The following LDLRAD3 variants were observed in gnomAD, a reference collection of about 807,000 sequenced individuals.
The protein encoded by LDLRAD3 is low density lipoprotein receptor class A domain containing 3.
Under a neutral mutation model 29.4 loss-of-function variants are expected in LDLRAD3, and 20 were observed. The ratio of observed to expected loss-of-function variants is 0.68; its 90% CI spans 0.48 to 0.99. The LOEUF is 0.99. Among genes scored for constraint, LDLRAD3 ranks in the 50% least tolerant of loss-of-function variants. The probability of loss-of-function intolerance (pLI) is 0.00; values close to 1 mark genes in which losing one functional copy is unlikely to be tolerated. For synonymous variants in LDLRAD3, 157 were observed against 192.7 expected (o/e 0.81, Z 1.53); for missense variants, 420 against 454.3 (o/e 0.92, Z 0.69).
At chr11:36,120,364 G>A (rs7124975) in intron 4 of LDLRAD3, among the ~76,000 whole-genome samples, 65,881 of 151,910 alleles carry the variant, frequency 0.43, 15,117 homozygotes, top group Admixed American at 0.51. Context: ...AATATTTTCT[G>A]CTCCACAGAT....
At chr11:36,136,497 C>T (rs1247706150) in intron 4 of LDLRAD3, among the ~76,000 whole-genome samples, 1 of 152,068 alleles carries the variant, frequency 6.6e-6, no homozygotes, top group Non-Finnish European at 1.5e-5. Flanking sequence ...AGTGAGTTCT[C>T]TTGAGATATG....
chr11:35,979,302 C>T (rs1352196112), intron 1 of LDLRAD3, among the ~76,000 whole-genome samples: 1 of 152,124 alleles, frequency 6.6e-6, no homozygotes, highest in Non-Finnish European at 1.5e-5. Flanking sequence ...GAAGAGCTTT[C>T]TGAGAGTTGT....
intron 1 of LDLRAD3, among the ~76,000 whole-genome samples, chr11:36,033,803 C>A (rs748197126): frequency 3.3e-5 from 5 of 152,158 alleles, no homozygotes; most frequent in Non-Finnish European, 7.3e-5. Flanking sequence ...ATGTTCTTCT[C>A]AGGGTTGTTG....
rs9666305 is a variant in LDLRAD3 at position 35,987,969 on chromosome 11, A to G, written c.46+43825A>G. ...TTTAATAATAGTCATTCTGACGGGTATGAGATAGTATCTCATTATGGTTTT... is the reference window on the plus strand; with the variant it reads ...TTTAATAATAGTCATTCTGACGGGTGTGAGATAGTATCTCATTATGGTTTT... On this transcript the variant is annotated intron_variant, in intron 1 of 5. Transcript: ENST00000315571. 7.8e-3 allele frequency among the ~76,000 whole-genome samples: 1,186 copies of G among 152,316 alleles called. 17 individuals carry two copies. Among genetic ancestry groups the G allele is most frequent in the South Asian group, 0.048 (233 of 4,822 alleles).
chr11:36,145,691 A>G (rs1330991120), intron 4 of LDLRAD3, among the ~76,000 whole-genome samples: 1 of 151,184 alleles, frequency 6.6e-6, no homozygotes, highest in African/African-American at 2.5e-5. Flanking sequence ...GGATCCTGTT[A>G]ATCTGTGACC....
chr11:36,154,213 C>G (rs940489808), intron 4 of LDLRAD3, among the ~76,000 whole-genome samples: 2 of 152,108 alleles, frequency 1.3e-5, no homozygotes, highest in Non-Finnish European at 2.9e-5. Flanking sequence ...AATGCCACAC[C>G]GACTGAAAGT....
chr11:36,131,893 G>C (rs1013586641), intron 4 of LDLRAD3, among the ~76,000 whole-genome samples: 3 of 152,196 alleles, frequency 2.0e-5, no homozygotes, highest in Non-Finnish European at 2.9e-5. Context: ...GTGCTGGGTG[G>C]TCTTTGTTTC....
At chr11:36,106,901 TC>T (rs139611044) in intron 4 of LDLRAD3, among the ~76,000 whole-genome samples, 2,846 of 152,308 alleles carry the variant, frequency 0.019, 50 homozygotes, top group Non-Finnish European at 0.024. Context: ...GTGTTGGCAG[TC>T]AGCATGAGAC....
intron 4 of LDLRAD3, among the ~76,000 whole-genome samples, chr11:36,164,480 C>T (rs931386659): frequency 3.3e-5 from 5 of 152,176 alleles, no homozygotes; most frequent in African/African-American, 9.7e-5. Context: ...GGTAAAAAAG[C>T]GAGAGTTGGT....
intron 1 of LDLRAD3, chr11:35,967,884 G>A (rs2133143672): frequency 2.5e-6 from 1 of 394,238 alleles, no homozygotes; most frequent in South Asian, 1.9e-5. Context: ...GGGTAGTAAT[G>A]TACCAGGTGG....
Position 36,191,572 on chromosome 11 carries a change from CTCTCTATATATATA to C in LDLRAD3, c.455-35511_455-35498del, listed in dbSNP as rs1854946855. Among the ~76,000 whole-genome samples the C allele has an allele frequency of 4.0e-5, 3 of 74,434 alleles. No homozygotes were observed. The South Asian group carries it at 1.5e-3, about 38-fold the overall frequency. 48.8% of individuals were successfully genotyped at this position (74,434 alleles called of 152,430 possible). A position where few individuals can be genotyped will look rare whatever the true frequency, so the allele number is the denominator to read the frequency against. ...TCTCTCTCTCTCTCTCTCTCTCTCTCTCTCTATATATATATATATATATATATACACACACACAC... is the reference window on the plus strand; with the variant it reads ...TCTCTCTCTCTCTCTCTCTCTCTCTCTATATATATATATACACACACACAC... On this transcript the variant is annotated intron_variant, in intron 4 of 5. Transcript: ENST00000315571.
At chr11:36,095,189 A>G (rs1399640159) in intron 3 of LDLRAD3, among the ~76,000 whole-genome samples, 1 of 152,214 alleles carries the variant, frequency 6.6e-6, no homozygotes. Context: ...CTTAAAAAGG[A>G]AGAAAAAAGA....
chr11:36,084,477 A>T (rs986564684), intron 3 of LDLRAD3, among the ~76,000 whole-genome samples: 30 of 151,978 alleles, frequency 2.0e-4, no homozygotes, highest in East Asian at 1.9e-4. Context: ...AGTAAATACA[A>T]TTTTTTTTAA....
At chr11:35,998,427 G>T (rs2133174966) in intron 1 of LDLRAD3, among the ~76,000 whole-genome samples, 1 of 152,286 alleles carries the variant, frequency 6.6e-6, no homozygotes, top group East Asian at 1.9e-4. Context: ...TTCCCTGCCA[G>T]GCTCCTTTCA....
At chr11:36,078,625 T>C (rs1258059001) in intron 2 of LDLRAD3, among the ~76,000 whole-genome samples, 2 of 152,178 alleles carry the variant, frequency 1.3e-5, no homozygotes, top group Non-Finnish European at 2.9e-5. Flanking sequence ...CAGAGATGTC[T>C]GCATCTGCAG....
chr11:36,016,429 A>G (rs1852023051), intron 1 of LDLRAD3, among the ~76,000 whole-genome samples: 1 of 152,182 alleles, frequency 6.6e-6, no homozygotes, highest in Non-Finnish European at 1.5e-5. Context: ...CTTCATGAAA[A>G]TATTTTGTAA....
intron 1 of LDLRAD3, among the ~76,000 whole-genome samples, chr11:35,964,956 C>T (rs958764396): frequency 6.7e-6 from 1 of 150,136 alleles, no homozygotes; most frequent in East Asian, 2.0e-4. Context: ...TGCCACCACA[C>T]TTCAGCCTGG....
chr11:36,197,421 A>G (rs1565296889), intron 4 of LDLRAD3: 1 of 152,234 alleles, frequency 6.6e-6, no homozygotes, highest in Admixed American at 6.5e-5. Context: ...CGAGAGTCCA[A>G]CTGCCCGGGT....
intron 1 of LDLRAD3, among the ~76,000 whole-genome samples, chr11:35,947,530 T>A (rs1256534116): frequency 1.3e-5 from 2 of 150,928 alleles, no homozygotes; most frequent in East Asian, 1.9e-4. Flanking sequence ...AGAATTGGCC[T>A]TTACAACCTT....
Sources: gnomAD v4.1 joint callset for allele counts (sites outside exome capture counted in the v4.1 genomes callset) on GRCh38, gnomAD v4.1.1 for gene constraint, MANE v1.5 for transcripts, NCBI Gene and HGNC (gene_info 2026-07-23, HGNC 2026-07-21) for gene names.